Variants in CYP26A1 observed in about 807,000 individuals in gnomAD.
CYP26A1 encodes the protein cytochrome P450 family 26 subfamily A member 1.
Under a neutral mutation model 47.4 loss-of-function variants are expected in CYP26A1, and 46 were observed. The ratio of observed to expected loss-of-function variants is 0.97; its 90% CI spans 0.77 to 1.24. CYP26A1 has a LOEUF of 1.24. Ranked by LOEUF, CYP26A1 falls within the 50% of genes most tolerant of loss-of-function variation. The pLI is 0.00. For synonymous variants in CYP26A1, 277 were observed against 263.7 expected (o/e 1.05, Z -0.49); for missense variants, 680 against 644.4 (o/e 1.06, Z -0.60).
Position 93,076,630 on chromosome 10 carries a change from G to A in CYP26A1, c.1086G>A (p.Glu362=). Reference sequence around the variant, plus strand: ...AATACATCGGGTGTGTTATTAAGGAGACCCTTCGACTGAATCCCCCAGTTC... The same window carrying A: ...AATACATCGGGTGTGTTATTAAGGAAACCCTTCGACTGAATCCCCCAGTTC... The part of the protein sequence containing the change: ...QLKYIGCVIK[E]TLRLNPPVPG... The change falls in exon 6 of 7, where the codon GAG becomes GAA. Residue 362 remains glutamate (E), a synonymous_variant. Transcript: ENST00000224356. 1 of 1,609,126 alleles carries A rather than the reference G, an allele frequency of 6.2e-7. No individual in the cohort carries two copies. The highest frequency in any genetic ancestry group is 1.1e-5 in the South Asian group (1 of 90,904).
chr10:93,075,443 A>G (rs1846966141), intron 4 of CYP26A1, 136 bp downstream of exon 4: 1 of 783,760 alleles, frequency 1.3e-6, no homozygotes, highest in African/African-American at 1.7e-5. Flanking sequence ...ACAGCTATGG[A>G]ATCCCGAAGG....
intron 5 of CYP26A1, chr10:93,076,297 A>C: frequency 5.9e-6 from 1 of 170,894 alleles, no homozygotes; most frequent in Non-Finnish European, 9.8e-6. Context: ...GGTGGTGGTG[A>C]GTGTGGGGTG....
Position 93,074,641 on chromosome 10 carries a change from C to T in CYP26A1, c.414+109C>T. ...TAGCAGCTTGAGGTGGGCTAGGACC[C>T]TCTGCCAGCTCCAGGTTAGCTTTCC... On this transcript the variant is annotated intron_variant, in intron 2 of 6. Coordinates refer to ENST00000224356, the MANE Select transcript of CYP26A1 (RefSeq NM_000783.4). This position sits in a 1 kb window ranked among gnomAD's most constrained non-coding sequence, Gnocchi z 5.3. 2 of 1,051,892 alleles carry T rather than the reference C, an allele frequency of 1.9e-6. No homozygotes were observed. Among genetic ancestry groups the T allele is most frequent in the Non-Finnish European group, 1.4e-6 (1 of 692,366 alleles). 65.2% of individuals were successfully genotyped at this position (1,051,892 alleles called of 1,614,324 possible).
chr10:93,077,217 T>C lies in CYP26A1; in HGVS notation c.1407T>C (p.Asn469=), dbSNP rs1846989855. Residue 469 remains asparagine (N), a synonymous_variant, in exon 7 of 7, where the codon AAT becomes AAC. Transcript: ENST00000224356. ...LARHCDWQLL[N]GPPTMKTSPT... is the part of the protein sequence containing the mutation. The stretch of plus-strand genomic sequence containing the variant: ...GGCATTGTGACTGGCAGCTTCTAAA[T>C]GGACCTCCTACAATGAAAACCAGTC... The C allele has an allele frequency of 6.2e-7, 1 of 1,609,588 alleles. No individual in the cohort carries two copies. Among genetic ancestry groups the C allele is most frequent in the Non-Finnish European group, 8.5e-7 (1 of 1,176,518 alleles).
Position 93,077,179 on chromosome 10 carries a change from G to A in CYP26A1, c.1369G>A (p.Val457Met), listed in dbSNP as rs762843948. The A allele has an allele frequency of 6.8e-6, 11 of 1,613,440 alleles. No individual in the cohort carries two copies. Among genetic ancestry groups the A allele is most frequent in the South Asian group, 2.2e-5 (2 of 91,068 alleles). ...FAKILLKIFT[V>M]ELARHCDWQL... ...AAAAATTCTTCTCAAAATATTTACA[G>A]TGGAGCTGGCCAGGCATTGTGACTG... The change falls in exon 7 of 7, where the codon GTG (valine) becomes ATG (methionine). Residue 457 changes from valine (V) to methionine (M), a missense_variant. By Grantham distance (21) the Val-to-Met change is conservative. Coordinates refer to ENST00000224356, the MANE Select transcript of CYP26A1 (RefSeq NM_000783.4).
Position 93,074,154 on chromosome 10 carries a change from T to C in CYP26A1, c.189+31T>C, listed in dbSNP as rs760451987. 38 of 1,527,780 alleles carry C rather than the reference T, an allele frequency of 2.5e-5. No individual in the cohort carries two copies. Among genetic ancestry groups the C allele is most frequent in the Admixed American group, 6.0e-5 (3 of 49,810 alleles). 94.6% of individuals were successfully genotyped at this position (1,527,780 alleles called of 1,614,324 possible). A position where few individuals can be genotyped will look rare whatever the true frequency, so the allele number is the denominator to read the frequency against. ...GGAGGGTGGGGCGGGACAGGCTGCT[T>C]CCCCGGAGCCCGGCGCGGCTCTGGG... On this transcript the variant is annotated intron_variant, in intron 1 of 6. Coordinates refer to ENST00000224356, the MANE Select transcript of CYP26A1 (RefSeq NM_000783.4). The surrounding 1 kb of genome is among the most constrained non-coding windows in gnomAD (Gnocchi z 5.3).
At chr10:93,075,353 G>A in intron 4 of CYP26A1, 46 bp downstream of exon 4, 1 of 1,580,370 alleles carries the variant, frequency 6.3e-7, no homozygotes, top group Non-Finnish European at 8.6e-7. Context: ...TGGTCCCCTG[G>A]CTTTCCAAGC....
Position 93,074,143 on chromosome 10 carries a change from G to GGGGA in CYP26A1, c.189+20_189+21insGGGA. On this transcript the variant is annotated intron_variant, in intron 1 of 6. Transcript: ENST00000224356. This position sits in a 1 kb window ranked among gnomAD's most constrained non-coding sequence, Gnocchi z 5.3. ...CTGCAGGTAAGGGAGGGTGGGGCGG[G>GGGGA]ACAGGCTGCTTCCCCGGAGCCCGGC... is the stretch of plus-strand genomic sequence containing the variant. 4 of 483,742 alleles carry GGGGA rather than the reference G, an allele frequency of 8.3e-6. No individual in the cohort carries two copies. The highest frequency in any genetic ancestry group is 1.6e-5 in the Non-Finnish European group (4 of 246,534). 30.0% of individuals were successfully genotyped at this position (483,742 alleles called of 1,614,324 possible). A position where few individuals can be genotyped will look rare whatever the true frequency, so the allele number is the denominator to read the frequency against.
chr10:93,077,255 C>T lies in CYP26A1; in HGVS notation c.1445C>T (p.Pro482Leu), dbSNP rs1021469654. 3.8e-6 allele frequency: 6 copies of T among 1,574,894 alleles called. No homozygotes were observed. The highest frequency in any genetic ancestry group is 5.2e-6 in the Non-Finnish European group (6 of 1,158,008). Residue 482 changes from proline to leucine, a missense_variant, in exon 7 of 7, where the codon CCT becomes CTT. Pro to Leu is a moderately conservative substitution (Grantham distance 98). Coordinates refer to ENST00000224356, the MANE Select transcript of CYP26A1 (RefSeq NM_000783.4). Reference protein sequence around the residue: ...PTMKTSPTVYPVDNLPARFTH... With the variant: ...PTMKTSPTVYLVDNLPARFTH... ...ATGAAAACCAGTCCCACCGTGTATC[C>T]TGTGGACAATCTCCCTGCAAGATTC...
intron 6 of CYP26A1, 68 bp from the exon 7 acceptor site, chr10:93,076,895 G>A (rs1846984855): frequency 5.3e-6 from 6 of 1,142,808 alleles, no homozygotes; most frequent in Admixed American, 2.3e-5. Context: ...AGATATCAGT[G>A]ACTGCTTTTT....
Position 93,076,545 on chromosome 10 carries a change from G to T in CYP26A1, c.1001G>T (p.Gly334Val), listed in dbSNP as rs1459669391. Residue 334 changes from glycine (G) to valine (V), a missense_variant and splice_region_variant, in exon 6 of 7, where the codon GGT becomes GTT. By Grantham distance (109) the Gly-to-Val change is moderately radical. Coordinates refer to ENST00000224356, the MANE Select transcript of CYP26A1 (RefSeq NM_000783.4). Reference protein sequence around the residue: ...QKVREELKSKGLLCKSNQDNK... With the variant: ...QKVREELKSKVLLCKSNQDNK... ...ACCTCTGTATGACTGTTTTGATAGG[G>T]TTTACTTTGCAAGAGCAATCAAGAC... 1.2e-6 allele frequency: 2 copies of T among 1,603,596 alleles called. No individual in the cohort carries two copies. Among genetic ancestry groups the T allele is most frequent in the South Asian group, 2.2e-5 (2 of 89,702 alleles).
upstream of CYP26A1, chr10:93,073,868 G>C (rs1846928844): frequency 7.7e-6 from 5 of 645,428 alleles, no homozygotes; most frequent in South Asian, 9.0e-5. Context: ...CGCCTATAAA[G>C]CGGCAGCGCC....
chr10:93,075,038 C>A lies in CYP26A1; in HGVS notation c.674C>A (p.Pro225His), dbSNP rs1846957202. 6.2e-7 allele frequency: 1 copy of A among 1,613,030 alleles called. No homozygotes were observed. The highest frequency in any genetic ancestry group is 1.3e-5 in the African/African-American group (1 of 75,076). The change falls in exon 3 of 7, where the codon CCC becomes CAC. Residue 225 changes from proline (P) to histidine (H), a missense_variant. Pro to His is a moderately conservative substitution (Grantham distance 77, BLOSUM62 -2). Transcript: ENST00000224356. ...ATGACCCGCAATCTCTTCTCGCTGC[C>A]CATCGACGTGCCCTTCAGCGGGCTG... is the stretch of plus-strand genomic sequence containing the variant. ...EEMTRNLFSL[P>H]IDVPFSGLYR...
intron 5 of CYP26A1, chr10:93,076,283 G>T: frequency 2.1e-6 from 1 of 478,440 alleles, no homozygotes; most frequent in Non-Finnish European, 3.7e-6. Flanking sequence ...TGATTAGTGT[G>T]GGTGGTGGTG....
chr10:93,074,257 C>T lies in CYP26A1; in HGVS notation c.190-51C>T. 6.6e-7 allele frequency: 1 copy of T among 1,514,472 alleles called. No individual in the cohort carries two copies. The highest frequency in any genetic ancestry group is 1.1e-5 in the South Asian group (1 of 87,846). The allele number at this position is 1,514,472 out of a possible 1,614,324, so 93.8% of individuals were successfully genotyped here. A position where few individuals can be genotyped will look rare whatever the true frequency, so the allele number is the denominator to read the frequency against. ...GAGCAGGGCTGGCGGGAGCGCGGCG[C>T]TCCCCGGCGCCCCCTCATGCCCACT... On this transcript the variant is annotated intron_variant, in intron 1 of 6. Coordinates refer to ENST00000224356, the MANE Select transcript of CYP26A1 (RefSeq NM_000783.4). This position sits in a 1 kb window ranked among gnomAD's most constrained non-coding sequence, Gnocchi z 5.3.
At position 93,073,945 on chromosome 10, in the gene CYP26A1, C is replaced by G. The variant is rs970034817; in HGVS notation, c.11C>G (p.Pro4Arg). 13 of 1,071,242 alleles carry G rather than the reference C, an allele frequency of 1.2e-5. No homozygotes were observed. The highest frequency in any genetic ancestry group is 1.9e-5 in the Non-Finnish European group (13 of 696,124). 66.4% of individuals were successfully genotyped at this position (1,071,242 alleles called of 1,614,324 possible). A position where few individuals can be genotyped will look rare whatever the true frequency, so the allele number is the denominator to read the frequency against. Residue 4 changes from proline to arginine, a missense_variant, in exon 1 of 7, where the codon CCG (proline) becomes CGG (arginine). Physicochemically the swap from Pro to Arg is moderately radical, Grantham distance 103. Transcript: ENST00000224356. ...AGGTCGCGGCGCGCCATGGGGCTCC[C>G]GGCGCTGCTGGCCAGTGCGCTCTGC... is the stretch of plus-strand genomic sequence containing the variant. The part of the protein sequence containing the change: MGL[P>R]ALLASALCTF...
rs1481449299 is a variant in CYP26A1, at chr10:93,075,932, A to G, written c.971A>G (p.Gln324Arg). The change falls in exon 5 of 7, where the codon CAG becomes CGG. Residue 324 changes from glutamine (Q) to arginine (R), a missense_variant. Transcript: ENST00000224356. ...CTGGGGCTCTACCCACATGTTCTCC[A>G]GAAAGTGCGAGAAGAGCTGAAGAGT... ...TYLGLYPHVL[Q>R]KVREELKSKG... The G allele has an allele frequency of 6.2e-6, 10 of 1,612,980 alleles. No homozygotes were observed. The highest frequency in any genetic ancestry group is 8.5e-6 in the Non-Finnish European group (10 of 1,179,050).
chr10:93,075,544 T>C (rs979978678), intron 4 of CYP26A1: 1 of 595,410 alleles, frequency 1.7e-6, no homozygotes, highest in Non-Finnish European at 3.0e-6. Context: ...AAAGGGAAAG[T>C]TGGAATTTGC....
chr10:93,075,871 A>T lies in CYP26A1; in HGVS notation c.910A>T (p.Thr304Ser), dbSNP rs762226337. The change falls in exon 5 of 7, where the codon ACC becomes TCC. Residue 304 changes from threonine to serine, a missense_variant. Transcript: ENST00000224356. Reference protein sequence around the residue: ...STELLFGGHETTASAATSLIT... With the variant: ...STELLFGGHESTASAATSLIT... ...CGAACTCCTCTTTGGAGGACACGAA[A>T]CCACGGCCAGTGCAGCCACATCTCT... The T allele has an allele frequency of 6.2e-7, 1 of 1,611,610 alleles. No individual in the cohort carries two copies. Among genetic ancestry groups the T allele is most frequent in the South Asian group, 1.1e-5 (1 of 91,050 alleles).
Sources: allele counts gnomAD v4.1 joint callset, GRCh38; gene constraint gnomAD v4.1.1; non-coding constraint Gnocchi (gnomAD v3.1); transcripts MANE v1.5; gene names NCBI Gene and HGNC (gene_info 2026-07-23, HGNC 2026-07-21).